Variants in TAF8 observed in about 807,000 individuals in gnomAD.
The protein encoded by TAF8 is TATA-box binding protein associated factor 8.
TAF8 carries 47 observed loss-of-function variants against 36.5 expected under a neutral mutation model. The observed-to-expected ratio is 1.29, with a 90% CI of 1.02 to 1.64. The LOEUF (loss-of-function observed/expected upper bound fraction) is 1.64. Ranked by LOEUF, TAF8 falls within the 40% of genes most tolerant of loss-of-function variation. TAF8 has a pLI of 0.00. For synonymous variants in TAF8, 175 were observed against 159.5 expected, an observed-to-expected ratio of 1.10 and a Z score of -0.73; for missense variants, 420 against 407.6, an observed-to-expected ratio of 1.03 and a Z score of -0.26.
intron 7 of TAF8, among the ~76,000 whole-genome samples, chr6:42,069,271 A>G (rs938392393): frequency 6.6e-6 from 1 of 152,186 alleles, no homozygotes; most frequent in African/African-American, 2.4e-5. Context: ...GAGGAGGGTC[A>G]GGATCCAAGG....
In TAF8 at chr6:42,080,646, G is replaced by A. The variant is rs935352813; in HGVS notation, c.*3101G>A. On this transcript the variant is annotated 3_prime_UTR_variant, in exon 9 of 9. Transcript: ENST00000372977. The stretch of plus-strand genomic sequence containing the variant: ...CCACCTCGGCCTCCCAGTGTGGGTG[G>A]GATTACAGGCATGAGCCACCGCGCC... 6 of 972,354 alleles carry A rather than the reference G, an allele frequency of 6.2e-6. No homozygotes were observed. Among genetic ancestry groups the A allele is most frequent in the East Asian group, 2.3e-4 (2 of 8,724 alleles). 60.2% of individuals were successfully genotyped at this position (972,354 alleles called of 1,614,324 possible). A position where few individuals can be genotyped will look rare whatever the true frequency, so the allele number is the denominator to read the frequency against.
At chr6:42,050,802 GGGGTT>G in intron 1 of TAF8, 1 of 902,982 alleles carries the variant, frequency 1.1e-6, no homozygotes, top group Non-Finnish European at 1.5e-6. Flanking sequence ...TTCGCTGTTG[GGGGTT>G]GGGAGCCCGG....
At chr6:42,052,612 A>G (rs546942500) in intron 2 of TAF8, among the ~76,000 whole-genome samples, 7 of 152,272 alleles carry the variant, frequency 4.6e-5, no homozygotes, top group African/African-American at 1.7e-4. Context: ...ATGAGCCACT[A>G]CACCCAGCTG....
chr6:42,063,242 A>G (rs1482826342), intron 5 of TAF8: 1 of 152,072 alleles, frequency 6.6e-6, no homozygotes, highest in Non-Finnish European at 1.5e-5. Context: ...AGCTCACCAC[A>G]GCCTCGACCT....
chr6:42,066,352 A>T lies in TAF8; in HGVS notation c.530A>T (p.Glu177Val), dbSNP rs376100000. ...GTGTCAGACTACCAGGTCCTGCGGG[A>T]GAAGGCTGCATCCCAGAGGCGCGAT... ...EPVSDYQVLREKAASQRRDVE... is the reference protein window; with the variant it reads ...EPVSDYQVLRVKAASQRRDVE... Residue 177 changes from glutamate (E) to valine (V), a missense_variant, in exon 6 of 9, where the codon GAG (glutamate) becomes GTG (valine). Glu to Val is a moderately radical substitution (Grantham distance 121, BLOSUM62 -2). Coordinates refer to ENST00000372977, the MANE Select transcript of TAF8 (RefSeq NM_138572.3). The T allele has an allele frequency of 1.2e-6, 2 of 1,614,136 alleles. No individual in the cohort carries two copies. Among genetic ancestry groups the T allele is most frequent in the Non-Finnish European group, 1.7e-6 (2 of 1,180,024 alleles).
At chr6:42,086,581 T>C, downstream of TAF8, 1 of 876,394 alleles carries the variant, frequency 1.1e-6, no homozygotes, top group Admixed American at 2.0e-5. Context: ...GAAACAAACC[T>C]TTTAAATCAT....
chr6:42,070,089 A>G (rs1405796928), intron 7 of TAF8, among the ~76,000 whole-genome samples: 1 of 152,114 alleles, frequency 6.6e-6, no homozygotes, highest in Non-Finnish European at 1.5e-5. Flanking sequence ...CCTGGAGTAA[A>G]TTCAGAGAGA....
chr6:42,056,902 G>A (rs115139520), intron 4 of TAF8, among the ~76,000 whole-genome samples: 4,197 of 152,214 alleles, frequency 0.028, 156 homozygotes, highest in African/African-American at 0.089. Context: ...CACCGCACCC[G>A]GCCTGGATTT....
Position 42,079,111 on chromosome 6 carries a change from G to A in TAF8, c.*1566G>A, listed in dbSNP as rs1490068576. Reference sequence around the variant, plus strand: ...CACTCCAGCCTGGGTGACAGAGCGAGACTCCATTTCAAAAAAATAAAAAAA... The same window carrying A: ...CACTCCAGCCTGGGTGACAGAGCGAAACTCCATTTCAAAAAAATAAAAAAA... On this transcript the variant is annotated 3_prime_UTR_variant, in exon 9 of 9. Coordinates refer to ENST00000372977, the MANE Select transcript of TAF8 (RefSeq NM_138572.3). The A allele has an allele frequency of 2.1e-6, 2 of 955,690 alleles. No homozygotes were observed. Among genetic ancestry groups the A allele is most frequent in the Non-Finnish European group, 2.5e-6 (2 of 803,064 alleles). 59.2% of individuals were successfully genotyped at this position (955,690 alleles called of 1,614,324 possible).
intron 8 of TAF8, 41 bp downstream of exon 8, chr6:42,077,280 A>T: frequency 6.3e-7 from 1 of 1,592,416 alleles, no homozygotes; most frequent in Non-Finnish European, 8.6e-7. Context: ...TCACTGTCCC[A>T]CCGAGGTGGT....
chr6:42,059,989 C>A (rs1487619292), intron 5 of TAF8, among the ~76,000 whole-genome samples: 1 of 152,164 alleles, frequency 6.6e-6, no homozygotes, highest in African/African-American at 2.4e-5. Flanking sequence ...AAGAGTGGAA[C>A]TGGTTTGCAA....
rs550295749 is a variant in TAF8 at position 42,082,903 on chromosome 6, G to A, written c.*5358G>A. 1.3e-5 allele frequency: 2 copies of A among 152,210 alleles called. No individual in the cohort carries two copies. Among genetic ancestry groups the A allele is most frequent in the South Asian group, 4.1e-4 (2 of 4,822 alleles). 9.4% of individuals were successfully genotyped at this position (152,210 alleles called of 1,614,324 possible). A position where few individuals can be genotyped will look rare whatever the true frequency, so the allele number is the denominator to read the frequency against. On this transcript the variant is annotated 3_prime_UTR_variant, in exon 9 of 9. Transcript: ENST00000372977. ...CTTTACCATGGACCCTGGCGCTCCTGGAAAAAAATTCAAGGTATTTTTCCT... is the reference window on the plus strand; with the variant it reads ...CTTTACCATGGACCCTGGCGCTCCTAGAAAAAAATTCAAGGTATTTTTCCT...
At chr6:42,084,336 C>G (rs916624371), downstream of TAF8, among the ~76,000 whole-genome samples, 1 of 152,122 alleles carries the variant, frequency 6.6e-6, no homozygotes, top group East Asian at 1.9e-4. Flanking sequence ...ATGCCAGGCA[C>G]GGTGCTAAGC....
intron 2 of TAF8, among the ~76,000 whole-genome samples, chr6:42,052,147 A>ACTTTTATATATACATCT (rs1582209628): frequency 1.3e-5 from 2 of 152,306 alleles, no homozygotes; most frequent in East Asian, 3.9e-4. Flanking sequence ...AGTGTAAGTG[A>ACTTTTATATATACATCT]GATGTATATA....
At chr6:42,076,956 GGGCAGAGATAGGAATGTT>G in intron 7 of TAF8, 126 bp from the exon 8 acceptor site, 1 of 1,052,584 alleles carries the variant, frequency 9.5e-7, no homozygotes, top group Non-Finnish European at 1.3e-6. Context: ...CGCTTCATCG[GGGCAGAGATAGGAATGTT>G]GGAAAGAAGG....
At chr6:42,062,538 T>TG (rs1461306355) in intron 5 of TAF8, among the ~76,000 whole-genome samples, 1 of 137,822 alleles carries the variant, frequency 7.3e-6, no homozygotes, top group East Asian at 2.1e-4. Context: ...TCTTTTTTTT[T>TG]TTTTTTTTTT....
downstream of TAF8, chr6:42,086,963 C>A (rs1333801246): frequency 1.6e-6 from 1 of 609,894 alleles, no homozygotes; most frequent in Non-Finnish European, 2.9e-6. Context: ...AGGATGTAGA[C>A]CCTGTCCTCA....
At chr6:42,058,846 C>G (rs943511644) in intron 5 of TAF8, among the ~76,000 whole-genome samples, 5 of 152,182 alleles carry the variant, frequency 3.3e-5, no homozygotes, top group Admixed American at 3.3e-4. Context: ...TTGCCTCTTC[C>G]TAGCTTCTGG....
In TAF8 at chr6:42,068,573, C is replaced by T; in HGVS notation, c.746C>T (p.Thr249Ile). ...GATTCCTCGGAGCAGGATGAACAGA[C>T]AGACACAGAGAACCTTGCTCTTCAT... Reference protein sequence around the residue: ...ETDSSEQDEQTDTENLALHIS... With the variant: ...ETDSSEQDEQIDTENLALHIS... The change falls in exon 7 of 9, where the codon ACA becomes ATA. Residue 249 changes from threonine to isoleucine, a missense_variant. By Grantham distance (89) the Thr-to-Ile change is moderately conservative. Transcript: ENST00000372977. The T allele has an allele frequency of 6.2e-7, 1 of 1,613,934 alleles. No individual in the cohort carries two copies. The highest frequency in any genetic ancestry group is 8.5e-7 in the Non-Finnish European group (1 of 1,180,030).
Sources: allele counts gnomAD v4.1 joint callset (sites outside exome capture counted in the v4.1 genomes callset), GRCh38; gene constraint gnomAD v4.1.1; transcripts MANE v1.5; gene names NCBI Gene and HGNC (gene_info 2026-07-23, HGNC 2026-07-21).